Variants in TFEC observed in about 807,000 individuals in gnomAD.
TFEC encodes the protein transcription factor EC.
In TFEC, 31 loss-of-function variants were observed where a neutral mutation model predicts 41.6. The observed-to-expected ratio is 0.74, with a 90% CI of 0.56 to 1.01. The LOEUF is 1.01. Among genes scored for constraint, TFEC ranks in the 50% least tolerant of loss-of-function variants. The probability of loss-of-function intolerance (pLI) is 0.00; values close to 1 mark genes in which losing one functional copy is unlikely to be tolerated. For synonymous variants in TFEC, 143 were observed against 140.6 expected (o/e 1.02, Z -0.12); for missense variants, 402 against 404.1 (o/e 0.99, Z 0.04).
chr7:116,133,427 G>T (rs1158325430), intron 1 of TFEC, among the ~76,000 whole-genome samples: 1 of 151,832 alleles, frequency 6.6e-6, no homozygotes, highest in Admixed American at 6.6e-5. Flanking sequence ...GCGTGTGCCA[G>T]TATTCCCAGC....
intron 3 of TFEC, among the ~76,000 whole-genome samples, chr7:116,090,290 T>A (rs1023580793): frequency 7.9e-5 from 12 of 152,122 alleles, no homozygotes; most frequent in African/African-American, 2.9e-4. Flanking sequence ...TTCATTTACA[T>A]GAGGTGAGCA....
At chr7:116,071,397 G>C (rs905579041) in intron 3 of TFEC, among the ~76,000 whole-genome samples, 5 of 150,300 alleles carry the variant, frequency 3.3e-5, no homozygotes, top group Non-Finnish European at 7.4e-5. Context: ...TTTTTAAAGG[G>C]CAACTCAGGT....
chr7:115,979,188 T>G (rs1201663764), intron 2 of TFEC, among the ~76,000 whole-genome samples: 1 of 152,050 alleles, frequency 6.6e-6, no homozygotes, highest in African/African-American at 2.4e-5. Flanking sequence ...TGATCTAGAG[T>G]CAAATCTGAT....
intron 2 of TFEC, among the ~76,000 whole-genome samples, chr7:115,978,582 C>T (rs1286807406): frequency 6.6e-6 from 1 of 152,144 alleles, no homozygotes; most frequent in African/African-American, 2.4e-5. Context: ...CCAAACATCC[C>T]AGATAGTCAA....
intron 5 of TFEC, among the ~76,000 whole-genome samples, chr7:115,951,897 T>C (rs1171862216): frequency 1.3e-5 from 2 of 152,122 alleles, no homozygotes; most frequent in African/African-American, 4.8e-5. Context: ...AGTCTTCTAC[T>C]CTATATTCCT....
chr7:116,103,871 C>A (rs1203622137), intron 3 of TFEC, among the ~76,000 whole-genome samples: 2 of 151,988 alleles, frequency 1.3e-5, no homozygotes, highest in Non-Finnish European at 2.9e-5. Context: ...CAAATAACTA[C>A]AGGAAATTTA....
intron 5 of TFEC, among the ~76,000 whole-genome samples, chr7:115,951,447 T>G (rs117383192): frequency 6.6e-6 from 1 of 152,228 alleles, no homozygotes; most frequent in Non-Finnish European, 1.5e-5. Flanking sequence ...TACTTATTTT[T>G]GTATCACCAG....
chr7:115,998,609 C>A (rs773191218), intron 1 of TFEC, among the ~76,000 whole-genome samples: 5 of 150,692 alleles, frequency 3.3e-5, no homozygotes, highest in Non-Finnish European at 5.9e-5. Flanking sequence ...TAAAGATACA[C>A]ATAGAATGAA....
At chr7:116,062,599 A>ATATATATATG (rs1400618373) in intron 3 of TFEC, among the ~76,000 whole-genome samples, 7 of 119,984 alleles carry the variant, frequency 5.8e-5, no homozygotes, top group Non-Finnish European at 8.8e-5. Flanking sequence ...ATATATATAT[A>ATATATATATG]TCACATTTTT....
intron 6 of TFEC, among the ~76,000 whole-genome samples, chr7:115,943,579 A>C (rs1793620456): frequency 6.7e-6 from 1 of 149,788 alleles, no homozygotes; most frequent in Non-Finnish European, 1.5e-5. Flanking sequence ...CCTCTATTTT[A>C]AAGAAATTTT....
At chr7:116,104,383 A>G (rs1797669710) in intron 3 of TFEC, among the ~76,000 whole-genome samples, 1 of 152,170 alleles carries the variant, frequency 6.6e-6, no homozygotes, top group Non-Finnish European at 1.5e-5. Flanking sequence ...CAGGCAACAC[A>G]ATGGGCATTA....
intron 1 of TFEC, among the ~76,000 whole-genome samples, chr7:116,018,813 G>C (rs780302261): frequency 2.6e-5 from 4 of 152,148 alleles, no homozygotes; most frequent in Non-Finnish European, 4.4e-5. Context: ...AGCTGGATAA[G>C]GTAGAGGCCC....
upstream of TFEC, among the ~76,000 whole-genome samples, chr7:116,034,275 A>G (rs1795856931): frequency 6.6e-6 from 1 of 152,010 alleles, no homozygotes; most frequent in Non-Finnish European, 1.5e-5. Context: ...ATGACTTTAT[A>G]TCATCTATAT....
chr7:116,058,827 T>C (rs896511259), intron 3 of TFEC, among the ~76,000 whole-genome samples: 2 of 151,750 alleles, frequency 1.3e-5, no homozygotes, highest in Non-Finnish European at 3.0e-5. Context: ...AATTAGAAAG[T>C]ATTTTTGAAC....
At chr7:116,128,800 T>C (rs1178700492) in intron 1 of TFEC, among the ~76,000 whole-genome samples, 2 of 152,050 alleles carry the variant, frequency 1.3e-5, no homozygotes, top group East Asian at 3.8e-4. Flanking sequence ...ATGGATTCAA[T>C]GAGTAATTCA....
intron 1 of TFEC, among the ~76,000 whole-genome samples, chr7:116,026,141 C>T (rs961266944): frequency 2.6e-5 from 4 of 152,190 alleles, no homozygotes; most frequent in African/African-American, 9.6e-5. Context: ...TCTGCCCCCA[C>T]CTTAACTCTT....
chr7:115,962,305 T>C (rs1168663865), intron 3 of TFEC, among the ~76,000 whole-genome samples: 1 of 151,776 alleles, frequency 6.6e-6, no homozygotes, highest in African/African-American at 2.4e-5. Flanking sequence ...TTTTATCAAA[T>C]TCCAACTGCA....
intron 3 of TFEC, among the ~76,000 whole-genome samples, chr7:116,087,265 C>G (rs1797223245): frequency 6.6e-6 from 1 of 151,928 alleles, no homozygotes; most frequent in African/African-American, 2.4e-5. Context: ...TTTACTAGAG[C>G]ATTTCATATA....
rs1001852915 is a variant in TFEC, at chr7:115,937,283, C to A, written c.*3268G>T. 11 of 151,354 alleles carry A rather than the reference C, an allele frequency of 7.3e-5. No individual in the cohort carries two copies. Among genetic ancestry groups the A allele is most frequent in the African/African-American group, 2.7e-4 (11 of 41,296 alleles). 9.4% of individuals were successfully genotyped at this position (151,354 alleles called of 1,614,324 possible). ...TTGTATATTAATTGAATGAATAAATCAATAATTATGCATTAATAGTCCCAT... is the reference window on the plus strand; with the variant it reads ...TTGTATATTAATTGAATGAATAAATAAATAATTATGCATTAATAGTCCCAT... On this transcript the variant is annotated 3_prime_UTR_variant, in exon 8 of 8. Transcript: ENST00000265440.
Sources: allele counts gnomAD v4.1 joint callset (sites outside exome capture counted in the v4.1 genomes callset), GRCh38; gene constraint gnomAD v4.1.1; transcripts MANE v1.5; gene names NCBI Gene and HGNC (gene_info 2026-07-23, HGNC 2026-07-21).